The following TENM4 variants were observed in gnomAD, a reference collection of about 807,000 sequenced individuals.
TENM4 encodes teneurin transmembrane protein 4, also known as teneurin-4.
A neutral mutation model predicts 243.3 loss-of-function variants in TENM4; 82 were observed. The observed-to-expected ratio is 0.34, with a 90% CI of 0.28 to 0.40. The LOEUF (loss-of-function observed/expected upper bound fraction) is 0.40, where lower values mean the gene tolerates loss of function less well. TENM4 is among the 10% of genes least tolerant of loss of function. The probability of loss-of-function intolerance (pLI) is 1.00; values close to 1 mark genes in which losing one functional copy is unlikely to be tolerated. For synonymous variants in TENM4, 1,412 were observed against 1,456.3 expected, an observed-to-expected ratio of 0.97 and a Z score of 0.69; for missense variants, 3,138 against 3,673.3, an observed-to-expected ratio of 0.85 and a Z score of 3.77.
At position 78,786,891 on chromosome 11, in the gene TENM4, G is replaced by GC; in HGVS notation, c.2365+6dup. ...AGAAGGTACCCGGGGACCTCGGCCC[G>GC]CCATACCGATGGTGCAGTGTTCGCC... On this transcript the variant is annotated splice_region_variant and intron_variant, in intron 16 of 33. Coordinates refer to ENST00000278550, the MANE Select transcript of TENM4 (RefSeq NM_001098816.3). 1 of 1,604,430 alleles carries GC rather than the reference G, an allele frequency of 6.2e-7. No individual in the cohort carries two copies. The highest frequency in any genetic ancestry group is 8.5e-7 in the Non-Finnish European group (1 of 1,176,374).
At chr11:79,145,073 AAAAACTAAAAATT>A (rs1230494512) in intron 4 of TENM4, among the ~76,000 whole-genome samples, 5 of 136,024 alleles carry the variant, frequency 3.7e-5, no homozygotes, top group African/African-American at 1.3e-4. Context: ...ATGAACCCAT[AAAAACTAAAAATT>A]AAAAAAAATT....
chr11:78,822,681 T>G (rs1376871069), intron 12 of TENM4, among the ~76,000 whole-genome samples: 1 of 152,142 alleles, frequency 6.6e-6, no homozygotes, highest in Non-Finnish European at 1.5e-5. Flanking sequence ...CACGTTTACC[T>G]ATGTAACAAA....
intron 6 of TENM4, among the ~76,000 whole-genome samples, chr11:78,919,181 T>C (rs1466819417): frequency 6.6e-6 from 1 of 152,226 alleles, no homozygotes; most frequent in Admixed American, 6.5e-5. Context: ...GAGACTGTGT[T>C]AAGTTCTTTA....
intron 1 of TENM4, among the ~76,000 whole-genome samples, chr11:79,331,181 T>C (rs937287433): frequency 2.0e-5 from 3 of 151,994 alleles, no homozygotes; most frequent in African/African-American, 7.2e-5. Context: ...TAATGGCGAC[T>C]GTGTTCCCCT....
At chr11:79,323,484 C>A (rs925256421) in intron 1 of TENM4, among the ~76,000 whole-genome samples, 1 of 152,192 alleles carries the variant, frequency 6.6e-6, no homozygotes, top group Non-Finnish European at 1.5e-5. Flanking sequence ...CCCTGAGCTT[C>A]CTAAAAAAGG....
intron 28 of TENM4, among the ~76,000 whole-genome samples, chr11:78,693,695 G>A (rs1466117407): frequency 6.6e-6 from 1 of 152,080 alleles, no homozygotes; most frequent in East Asian, 1.9e-4. Context: ...AGCATCTTTG[G>A]AGCACAGTGA....
intron 4 of TENM4, among the ~76,000 whole-genome samples, chr11:79,080,907 C>G (rs543404834): frequency 6.6e-6 from 1 of 152,146 alleles, no homozygotes; most frequent in Non-Finnish European, 1.5e-5. Context: ...ATTCTGGGAC[C>G]ACACTAGGAA....
At chr11:78,834,562 C>T (rs1239138054) in intron 12 of TENM4, among the ~76,000 whole-genome samples, 1 of 152,166 alleles carries the variant, frequency 6.6e-6, no homozygotes, top group Non-Finnish European at 1.5e-5. Flanking sequence ...TTGGTCCCCC[C>T]ACTCTTCTGC....
intron 6 of TENM4, among the ~76,000 whole-genome samples, chr11:78,933,811 C>T (rs1004192415): frequency 2.6e-5 from 4 of 152,268 alleles, no homozygotes; most frequent in Non-Finnish European, 5.9e-5. Flanking sequence ...GAAGAAAGAA[C>T]ATATGTTGCT....
chr11:79,129,382 C>A (rs1417394005), intron 4 of TENM4, among the ~76,000 whole-genome samples: 1 of 152,148 alleles, frequency 6.6e-6, no homozygotes, highest in Non-Finnish European at 1.5e-5. Context: ...CTGGCCAGAA[C>A]TTGGGGGAGG....
intron 1 of TENM4, among the ~76,000 whole-genome samples, chr11:79,323,269 A>T (rs558026444): frequency 1.3e-4 from 20 of 152,234 alleles, no homozygotes; most frequent in Non-Finnish European, 2.5e-4. Context: ...TATAATCAGC[A>T]TATAGTAAAA....
At chr11:78,849,712 C>G (rs1455496188) in intron 12 of TENM4, among the ~76,000 whole-genome samples, 2 of 152,158 alleles carry the variant, frequency 1.3e-5, no homozygotes, top group Non-Finnish European at 2.9e-5. Context: ...CAGACAGACG[C>G]AAATTCATGT....
At chr11:79,065,110 T>C (rs750086417) in intron 5 of TENM4, 103 bp from the exon 6 acceptor site, 98 of 1,400,918 alleles carry the variant, frequency 7.0e-5, no homozygotes, top group Non-Finnish European at 8.8e-5. Flanking sequence ...ACTGTCGTTC[T>C]TTGAACTTGC....
At chr11:78,948,959 T>C (rs1017615971) in intron 6 of TENM4, among the ~76,000 whole-genome samples, 1 of 152,082 alleles carries the variant, frequency 6.6e-6, no homozygotes, top group African/African-American at 2.4e-5. Flanking sequence ...TCTTACTGCG[T>C]CATATTAGGA....
intron 12 of TENM4, among the ~76,000 whole-genome samples, chr11:78,820,400 T>C (rs1028127572): frequency 2.6e-5 from 4 of 152,198 alleles, no homozygotes; most frequent in African/African-American, 4.8e-5. Flanking sequence ...GACCAGAGTA[T>C]GGGCTCTGGA....
At chr11:79,370,381 G>A (rs1042011596) in intron 1 of TENM4, among the ~76,000 whole-genome samples, 13 of 152,198 alleles carry the variant, frequency 8.5e-5, no homozygotes, top group Admixed American at 1.3e-4. Flanking sequence ...GCTGCTGGCC[G>A]CCTCATCTCA....
intron 6 of TENM4, among the ~76,000 whole-genome samples, chr11:79,056,340 C>T (rs1325212647): frequency 1.3e-5 from 2 of 152,118 alleles, no homozygotes; most frequent in Non-Finnish European, 2.9e-5. Flanking sequence ...CTCCCTTTCC[C>T]TTTCAGAAGC....
At chr11:79,116,113 T>C (rs1861613546) in intron 4 of TENM4, among the ~76,000 whole-genome samples, 1 of 152,220 alleles carries the variant, frequency 6.6e-6, no homozygotes, top group Non-Finnish European at 1.5e-5. Flanking sequence ...TAATTGACAC[T>C]GAGAAACAAA....
intron 4 of TENM4, among the ~76,000 whole-genome samples, chr11:79,139,768 TAAATATATA>T (rs1375110310): frequency 7.3e-5 from 2 of 27,258 alleles, no homozygotes; most frequent in African/African-American, 9.6e-5. Context: ...TATATTTATA[TAAATATATA>T]ATATATATTA....
Sources: gnomAD v4.1 joint callset for allele counts (sites outside exome capture counted in the v4.1 genomes callset) on GRCh38, gnomAD v4.1.1 for gene constraint, MANE v1.5 for transcripts, NCBI Gene and HGNC (gene_info 2026-07-23, HGNC 2026-07-21) for gene names.